NXN: variants seen among roughly 807,000 people sequenced by gnomAD.
NXN encodes nucleoredoxin.
A neutral mutation model predicts 48.6 loss-of-function variants in NXN; 16 were observed. The ratio of observed to expected loss-of-function variants is 0.33; its 90% CI spans 0.22 to 0.50. The LOEUF (loss-of-function observed/expected upper bound fraction) is 0.50, where lower values mean the gene tolerates loss of function less well. Ranked by LOEUF, NXN falls within the 20% of genes least tolerant of loss-of-function variation. NXN has a pLI of 0.98. For synonymous variants in NXN, 281 were observed against 269.6 expected, an observed-to-expected ratio of 1.04 and a Z score of -0.41; for missense variants, 492 against 605.5, an observed-to-expected ratio of 0.81 and a Z score of 1.97.
intron 1 of NXN, among the ~76,000 whole-genome samples, chr17:827,169 C>T (rs1384510297): frequency 1.3e-5 from 2 of 152,098 alleles, no homozygotes; most frequent in Non-Finnish European, 2.9e-5. Context: ...CATGGTGGAA[C>T]CCCGTCTCTA....
At chr17:822,696 T>A (rs1048454941) in intron 3 of NXN, among the ~76,000 whole-genome samples, 9 of 152,116 alleles carry the variant, frequency 5.9e-5, no homozygotes, top group African/African-American at 2.2e-4. Context: ...GCCTCCTGCA[T>A]GAGGCAAAAA....
chr17:829,887 T>G (rs1913359075), intron 1 of NXN, among the ~76,000 whole-genome samples: 1 of 152,170 alleles, frequency 6.6e-6, no homozygotes, highest in African/African-American at 2.4e-5. Flanking sequence ...GGCATTTGGG[T>G]TGGTTCCAAG....
intron 1 of NXN, among the ~76,000 whole-genome samples, chr17:884,894 G>A (rs1408950606): frequency 3.3e-5 from 5 of 152,194 alleles, no homozygotes; most frequent in Admixed American, 2.0e-4. Context: ...AGAATCTTGG[G>A]AGCTAAAGAA....
chr17:940,237 AT>A (rs56917679), intron 1 of NXN, among the ~76,000 whole-genome samples: 10,366 of 140,910 alleles, frequency 0.074, 795 homozygotes, highest in African/African-American at 0.19. Context: ...CCTGGCCTCA[AT>A]TTTTTTTTTT....
chr17:971,073 A>G (rs543967685), intron 1 of NXN, among the ~76,000 whole-genome samples: 1 of 150,322 alleles, frequency 6.7e-6, no homozygotes, highest in African/African-American at 2.5e-5. Context: ...CAGCCTCCTC[A>G]GTAGCTCGGA....
At chr17:808,019 T>C (rs546844061) in intron 5 of NXN, among the ~76,000 whole-genome samples, 1 of 151,982 alleles carries the variant, frequency 6.6e-6, no homozygotes, top group Non-Finnish European at 1.5e-5. Context: ...GGGATGGGGG[T>C]CACCCAGCCA....
At chr17:931,955 C>G (rs1223971093) in intron 1 of NXN, among the ~76,000 whole-genome samples, 3 of 152,036 alleles carry the variant, frequency 2.0e-5, no homozygotes, top group Admixed American at 2.0e-4. Context: ...ACCAGCCTGG[C>G]CAAGACGGTG....
chr17:862,351 A>G (rs1397451385), intron 1 of NXN, among the ~76,000 whole-genome samples: 1 of 152,202 alleles, frequency 6.6e-6, no homozygotes, highest in Non-Finnish European at 1.5e-5. Flanking sequence ...CCCCATCTCA[A>G]AAACATAAAC....
Position 923,344 on chromosome 17 carries a change from G to A in NXN, c.360+55975C>T, listed in dbSNP as rs183757123. Reference sequence around the variant, plus strand: ...TTACTTGTGCACCAACTTAAAGCAAGACCCCGCTTTACACCAAAAAAATTT... The same window carrying A: ...TTACTTGTGCACCAACTTAAAGCAAAACCCCGCTTTACACCAAAAAAATTT... On this transcript the variant is annotated intron_variant, in intron 1 of 7. Coordinates refer to ENST00000336868, the MANE Select transcript of NXN (RefSeq NM_022463.5). Among the ~76,000 whole-genome samples, 432 of 152,130 alleles carry A rather than the reference G, an allele frequency of 2.8e-3. 3 individuals are homozygous for A. Among genetic ancestry groups the A allele is most frequent in the African/African-American group, 0.01 (418 of 41,494 alleles).
intron 1 of NXN, among the ~76,000 whole-genome samples, chr17:930,842 G>C (rs55914203): frequency 2.6e-5 from 4 of 151,342 alleles, no homozygotes; most frequent in African/African-American, 9.7e-5. Flanking sequence ...TGCGATCTCG[G>C]CTCACTGCAA....
At chr17:831,112 C>T (rs1047650644) in intron 1 of NXN, among the ~76,000 whole-genome samples, 7 of 151,806 alleles carry the variant, frequency 4.6e-5, no homozygotes, top group Admixed American at 4.6e-4. Flanking sequence ...AAGGGCGAGA[C>T]CTAGATCACA....
chr17:842,115 G>A (rs182242635), intron 1 of NXN, among the ~76,000 whole-genome samples: 133 of 152,008 alleles, frequency 8.7e-4, no homozygotes, highest in African/African-American at 2.2e-3. Flanking sequence ...CAGCCTGGGC[G>A]ACAGAGAGAG....
chr17:952,925 C>A (rs1167526731), intron 1 of NXN, among the ~76,000 whole-genome samples: 1 of 152,168 alleles, frequency 6.6e-6, no homozygotes, highest in Non-Finnish European at 1.5e-5. Context: ...GAGCCAGGAC[C>A]CACTTCTCCG....
chr17:822,290 G>C, intron 4 of NXN, 67 bp downstream of exon 4: 1 of 1,202,764 alleles, frequency 8.3e-7, no homozygotes, highest in Non-Finnish European at 1.2e-6. Flanking sequence ...AGAAAAAAAA[G>C]AAAAGAAAAA....
intron 1 of NXN, among the ~76,000 whole-genome samples, chr17:924,313 T>C (rs1175159759): frequency 1.3e-5 from 2 of 152,248 alleles, no homozygotes; most frequent in Non-Finnish European, 2.9e-5. Context: ...CTCGGCTCAC[T>C]GCAACCTCCA....
At position 917,400 on chromosome 17, in the gene NXN, G is replaced by C. The variant is rs1209795755; in HGVS notation, c.360+61919C>G. Among the ~76,000 whole-genome samples, 2 of 152,184 alleles carry C rather than the reference G, an allele frequency of 1.3e-5. No individual in the cohort carries two copies. Among genetic ancestry groups the C allele is most frequent in the African/African-American group, 4.8e-5 (2 of 41,462 alleles). ...TCGTGATCCGCCTGCCTTGGCCTCT[G>C]AAAGTGCTGGGCCTCTGAAAGAACA... On this transcript the variant is annotated intron_variant, in intron 1 of 7. Transcript: ENST00000336868. This position sits in a 1 kb window ranked among gnomAD's most constrained non-coding sequence, Gnocchi z 4.5.
At chr17:976,264 C>T (rs3916126) in intron 1 of NXN, among the ~76,000 whole-genome samples, 21,049 of 150,786 alleles carry the variant, frequency 0.14, 2,157 homozygotes, top group African/African-American at 0.28. Flanking sequence ...TTAACATATA[C>T]GGTCATCCCC....
chr17:961,674 T>G (rs915630844), intron 1 of NXN, among the ~76,000 whole-genome samples: 2 of 152,260 alleles, frequency 1.3e-5, no homozygotes, highest in Non-Finnish European at 2.9e-5. Context: ...AAGTCCTCCC[T>G]TAGGGCTCAC....
intron 1 of NXN, among the ~76,000 whole-genome samples, chr17:940,134 G>T (rs557588169): frequency 2.2e-4 from 23 of 102,488 alleles, no homozygotes; most frequent in Admixed American, 5.1e-4. Flanking sequence ...AGATCGAGGT[G>T]GGGGGGTCTC....
Sources: gnomAD v4.1 joint callset for allele counts (sites outside exome capture counted in the v4.1 genomes callset) on GRCh38, gnomAD v4.1.1 for gene constraint, Gnocchi (gnomAD v3.1) non-coding constraint, MANE v1.5 for transcripts, NCBI Gene and HGNC (gene_info 2026-07-23, HGNC 2026-07-21) for gene names.